The following C4orf51 variants were observed in gnomAD, a reference collection of about 807,000 sequenced individuals.
C4orf51 encodes the protein uncharacterized protein C4orf51.
A neutral mutation model predicts 25.2 loss-of-function variants in C4orf51; 25 were observed. That is an observed-to-expected ratio of 0.99 (90% CI 0.72 to 1.39). The LOEUF (loss-of-function observed/expected upper bound fraction) is 1.39, where lower values mean the gene tolerates loss of function less well. Ranked by LOEUF, C4orf51 falls within the 40% of genes most tolerant of loss-of-function variation. The probability of loss-of-function intolerance (pLI) is 0.00; values close to 1 mark genes in which losing one functional copy is unlikely to be tolerated. For missense variants in C4orf51, 252 were observed against 239.6 expected, an observed-to-expected ratio of 1.05 and a Z score of -0.34; for synonymous variants, 100 against 84.5, an observed-to-expected ratio of 1.18 and a Z score of -1.01.
chr4:145,781,137 A>T, the C4orf51 span, among the ~76,000 whole-genome samples: 1 of 132,470 alleles, frequency 7.5e-6, no homozygotes, highest in Non-Finnish European at 1.6e-5. Flanking sequence ...TGGAGGTTGC[A>T]GTGAGCCGAG....
intron 1 of C4orf51, among the ~76,000 whole-genome samples, chr4:145,739,928 G>A (rs772962630): frequency 1.3e-5 from 2 of 152,114 alleles, no homozygotes; most frequent in Non-Finnish European, 2.9e-5. Context: ...GGGATGCAGT[G>A]TGACCTAGAG....
intron 1 of C4orf51, among the ~76,000 whole-genome samples, chr4:145,751,228 A>G (rs762970562): frequency 1.3e-5 from 2 of 152,088 alleles, no homozygotes; most frequent in African/African-American, 2.4e-5. Flanking sequence ...TAGGCATTGA[A>G]GAGTTAGGTA....
chr4:145,774,402 A>G, downstream of C4orf51: 1 of 1,277,986 alleles, frequency 7.8e-7, no homozygotes. Context: ...TGGAAGGAAA[A>G]GGGCAATGTC....
downstream of C4orf51, among the ~76,000 whole-genome samples, chr4:145,734,114 AC>A (rs1474059774): frequency 6.6e-6 from 1 of 152,200 alleles, no homozygotes; most frequent in East Asian, 1.9e-4. Context: ...GTTCAATTTG[AC>A]CAGCAACATT....
intron 2 of C4orf51, among the ~76,000 whole-genome samples, chr4:145,703,819 C>T (rs1179066136): frequency 6.6e-6 from 1 of 152,138 alleles, no homozygotes; most frequent in East Asian, 1.9e-4. Flanking sequence ...TTTTATATGT[C>T]GATATCCAGT....
intron 1 of C4orf51, chr4:145,760,259 C>T (rs1352202560): frequency 2.0e-5 from 3 of 152,210 alleles, no homozygotes; most frequent in Admixed American, 2.0e-4. Context: ...GGGAAAAGAA[C>T]GTTCATCGCT....
At chr4:145,758,971 C>T (rs1734173655), downstream of C4orf51, 1 of 152,154 alleles carries the variant, frequency 6.6e-6, no homozygotes, top group Non-Finnish European at 1.5e-5. Flanking sequence ...TACTAATTTC[C>T]AGGGAGCTTT....
chr4:145,786,431 T>C, the C4orf51 span, among the ~76,000 whole-genome samples: 1 of 152,188 alleles, frequency 6.6e-6, no homozygotes. Context: ...ATCAACTAAA[T>C]CTCATTACTG....
chr4:145,702,008 C>T (rs377183800), intron 2 of C4orf51, among the ~76,000 whole-genome samples: 2 of 152,080 alleles, frequency 1.3e-5, no homozygotes, highest in Non-Finnish European at 2.9e-5. Context: ...CTACTCCTTC[C>T]CTGGCAACCA....
chr4:145,684,907 G>A (rs891669273), intron 1 of C4orf51, among the ~76,000 whole-genome samples: 1 of 152,092 alleles, frequency 6.6e-6, no homozygotes, highest in African/African-American at 2.4e-5. Flanking sequence ...GGAGGATATA[G>A]CAATCTCAAA....
chr4:145,779,894 AAATAAAG>A, the C4orf51 span, among the ~76,000 whole-genome samples: 1 of 152,222 alleles, frequency 6.6e-6, no homozygotes, highest in Admixed American at 6.5e-5. Flanking sequence ...ACAAGGCAGT[AAATAAAG>A]AATTGTAGGC....
intron 2 of C4orf51, among the ~76,000 whole-genome samples, chr4:145,717,685 A>G (rs530535425): frequency 4.6e-5 from 7 of 152,242 alleles, no homozygotes; most frequent in Admixed American, 1.3e-4. Context: ...TGATCATCAT[A>G]GGAGAAAGGT....
At chr4:145,776,975 G>A in the C4orf51 span, among the ~76,000 whole-genome samples, 2 of 152,196 alleles carry the variant, frequency 1.3e-5, no homozygotes, top group South Asian at 2.1e-4. Flanking sequence ...TCATCACACA[G>A]ATAAAGGTAA....
intron 1 of C4orf51, among the ~76,000 whole-genome samples, chr4:145,690,978 G>C (rs537104968): frequency 6.6e-6 from 1 of 151,932 alleles, no homozygotes; most frequent in African/African-American, 2.4e-5. Context: ...CCAGATGTGG[G>C]GGCATGTGTC....
rs367871550 is a variant in C4orf51, at chr4:145,726,882, C to T, written c.308-29C>T. ...ATTTTATTCTAACTCTGCATTTAAT[C>T]CTGATTTTCCCTCTTCATGTGCATG... On this transcript the variant is annotated intron_variant, in intron 2 of 5. Transcript: ENST00000438731. 126 of 1,577,880 alleles carry T rather than the reference C, an allele frequency of 8.0e-5. No homozygotes were observed. The East Asian group carries it at 1.8e-3, about 23-fold the overall frequency.
At chr4:145,776,636 T>A in the C4orf51 span, among the ~76,000 whole-genome samples, 1 of 152,042 alleles carries the variant, frequency 6.6e-6, no homozygotes, top group South Asian at 2.1e-4. Context: ...GTACCCCATG[T>A]GTCAGTCATG....
intron 2 of C4orf51, among the ~76,000 whole-genome samples, chr4:145,726,412 C>CT (rs1344302929): frequency 2.2e-4 from 34 of 151,674 alleles, no homozygotes; most frequent in Admixed American, 2.0e-4. Context: ...AACTATTGGG[C>CT]TTTTTTTTGA....
chr4:145,733,210 G>A (rs988479030), downstream of C4orf51, among the ~76,000 whole-genome samples: 14 of 145,726 alleles, frequency 9.6e-5, no homozygotes, highest in African/African-American at 2.5e-5. Flanking sequence ...CTCCCGGCCC[G>A]CCGGAGCGGC....
chr4:145,725,049 G>T (rs1731978108), intron 2 of C4orf51, among the ~76,000 whole-genome samples: 1 of 151,748 alleles, frequency 6.6e-6, no homozygotes. Flanking sequence ...GTGGGAGGGG[G>T]ATGAGGAATA....
Sources: gnomAD v4.1 joint callset for allele counts (sites outside exome capture counted in the v4.1 genomes callset) on GRCh38, gnomAD v4.1.1 for gene constraint, MANE v1.5 for transcripts, NCBI Gene and HGNC (gene_info 2026-07-23, HGNC 2026-07-21) for gene names.